OSBPL10: variants seen among roughly 807,000 people sequenced by gnomAD.
OSBPL10 encodes the protein oxysterol binding protein like 10, also known as oxysterol-binding protein-related protein 10.
In OSBPL10, 49 loss-of-function variants were observed where a neutral mutation model predicts 81.7. The ratio of observed to expected loss-of-function variants is 0.60; its 90% CI spans 0.48 to 0.76. The LOEUF is 0.76. Ranked by LOEUF, OSBPL10 falls within the 30% of genes least tolerant of loss-of-function variation. OSBPL10 has a pLI of 0.00. For missense variants in OSBPL10, 923 were observed against 987.8 expected, an observed-to-expected ratio of 0.93 and a Z score of 0.88; for synonymous variants, 419 against 383.6, an observed-to-expected ratio of 1.09 and a Z score of -1.08.
At chr3:31,965,167 T>G (rs546816586) in intron 1 of OSBPL10, among the ~76,000 whole-genome samples, 1 of 151,418 alleles carries the variant, frequency 6.6e-6, no homozygotes, top group Admixed American at 6.6e-5. Flanking sequence ...CAGGAGATTG[T>G]GACCATCCTG....
intron 4 of OSBPL10, among the ~76,000 whole-genome samples, chr3:31,820,568 C>T (rs1699958263): frequency 6.6e-6 from 1 of 151,606 alleles, no homozygotes; most frequent in South Asian, 2.1e-4. Context: ...GCACTCCAGC[C>T]TGGGAGGCAG....
intron 1 of OSBPL10, among the ~76,000 whole-genome samples, chr3:32,071,501 A>G (rs1013655585): frequency 4.0e-5 from 6 of 151,806 alleles, no homozygotes; most frequent in Non-Finnish European, 5.9e-5. Flanking sequence ...AGGGCTGTGC[A>G]GTCGGAATTC....
At chr3:31,998,532 ATTCT>A (rs1040625606) in intron 2 of OSBPL10, among the ~76,000 whole-genome samples, 2 of 152,234 alleles carry the variant, frequency 1.3e-5, no homozygotes, top group African/African-American at 4.8e-5. Context: ...GAGATATTTC[ATTCT>A]GTCACTAGCA....
At chr3:31,803,106 G>A (rs1699430837) in intron 4 of OSBPL10, among the ~76,000 whole-genome samples, 1 of 151,412 alleles carries the variant, frequency 6.6e-6, no homozygotes, top group African/African-American at 2.4e-5. Flanking sequence ...GAATCAATGA[G>A]AACAGTGTGT....
At chr3:31,733,490 T>A in intron 5 of OSBPL10, 79 bp from the exon 6 acceptor site, 1 of 1,563,866 alleles carries the variant, frequency 6.4e-7, no homozygotes, top group Non-Finnish European at 8.8e-7. Context: ...GTACTCACTG[T>A]ATGAAGAGAC....
At chr3:31,931,257 A>T (rs1411918141) in intron 1 of OSBPL10, among the ~76,000 whole-genome samples, 1 of 152,124 alleles carries the variant, frequency 6.6e-6, no homozygotes, top group Non-Finnish European at 1.5e-5. Context: ...AATTTTTAAA[A>T]AATCTTAGTA....
intron 4 of OSBPL10, 78 bp downstream of exon 4, chr3:31,829,962 G>A (rs1700195961): frequency 1.4e-6 from 2 of 1,392,992 alleles, no homozygotes; most frequent in African/African-American, 1.4e-5. Context: ...CGGCGCAAAG[G>A]AAGAGGAGTC....
chr3:32,057,791 A>G (rs199653785), intron 1 of OSBPL10, among the ~76,000 whole-genome samples: 1 of 152,142 alleles, frequency 6.6e-6, no homozygotes, highest in African/African-American at 2.4e-5. Flanking sequence ...GCTGCCTCAG[A>G]TTATCTAGAC....
At chr3:32,075,941 G>A (rs1389226115) in intron 1 of OSBPL10, among the ~76,000 whole-genome samples, 2 of 152,132 alleles carry the variant, frequency 1.3e-5, no homozygotes, top group African/African-American at 2.4e-5. Flanking sequence ...ACTGATCAAT[G>A]TACTTCGTAA....
intron 4 of OSBPL10, among the ~76,000 whole-genome samples, chr3:31,808,150 T>C (rs1699568509): frequency 6.6e-6 from 1 of 152,180 alleles, no homozygotes; most frequent in South Asian, 2.1e-4. Context: ...GCCACAATTC[T>C]GTACTCACCC....
At chr3:31,790,474 T>C (rs1698981960) in intron 4 of OSBPL10, among the ~76,000 whole-genome samples, 2 of 152,286 alleles carry the variant, frequency 1.3e-5, no homozygotes, top group Admixed American at 6.5e-5. Context: ...ATTTCACATA[T>C]ATAAAATTCT....
At chr3:31,897,299 CAG>C (rs1163148676) in intron 1 of OSBPL10, among the ~76,000 whole-genome samples, 1 of 152,088 alleles carries the variant, frequency 6.6e-6, no homozygotes, top group African/African-American at 2.4e-5. Context: ...GGTAGAAGAG[CAG>C]AGTGTGGTGG....
chr3:31,713,377 T>G (rs1696329125), intron 6 of OSBPL10, among the ~76,000 whole-genome samples: 1 of 152,044 alleles, frequency 6.6e-6, no homozygotes, highest in Non-Finnish European at 1.5e-5. Flanking sequence ...CACTCAGATC[T>G]TTTTTTAATT....
chr3:31,672,606 G>C (rs1379286390), intron 8 of OSBPL10, among the ~76,000 whole-genome samples: 1 of 152,156 alleles, frequency 6.6e-6, no homozygotes, highest in Admixed American at 6.5e-5. Context: ...TTACCGTGGA[G>C]AATTCCTCTA....
chr3:31,837,320 AT>A (rs1491274956), intron 3 of OSBPL10, among the ~76,000 whole-genome samples: 1 of 101,378 alleles, frequency 9.9e-6, no homozygotes, highest in Non-Finnish European at 1.9e-5. Flanking sequence ...AGATCCCCAA[AT>A]TATATATATA....
At chr3:31,728,144 T>C (rs1559436486) in intron 6 of OSBPL10, among the ~76,000 whole-genome samples, 1 of 152,270 alleles carries the variant, frequency 6.6e-6, no homozygotes, top group African/African-American at 2.4e-5. Context: ...ACTTATATGC[T>C]GATATAGTAC....
At chr3:31,793,064 A>G (rs1277349259) in intron 4 of OSBPL10, among the ~76,000 whole-genome samples, 2 of 152,146 alleles carry the variant, frequency 1.3e-5, no homozygotes, top group African/African-American at 4.8e-5. Context: ...AACAGAAAAA[A>G]TATCTATTAA....
intron 1 of OSBPL10, among the ~76,000 whole-genome samples, chr3:31,934,408 TTC>T (rs1491213609): frequency 9.6e-6 from 1 of 103,658 alleles, no homozygotes; most frequent in Non-Finnish European, 1.8e-5. Context: ...AGAAAATTCA[TTC>T]TTTTTTTTTT....
rs1347837928 is a variant in OSBPL10, at chr3:31,816,241, T to C, written c.729+13799A>G. ...GGCCTTGCCCTCTGGTGAATTCCTA[T>C]GACAACTGTAACACCATGTAACTTT... On this transcript the variant is annotated intron_variant, in intron 4 of 11. Transcript: ENST00000396556. Among the ~76,000 whole-genome samples the C allele has an allele frequency of 2.0e-5, 3 of 152,180 alleles. No homozygotes were observed. In the East Asian group the frequency reaches 5.8e-4, roughly 29 times the overall value.
Sources: gnomAD v4.1 joint callset for allele counts (sites outside exome capture counted in the v4.1 genomes callset) on GRCh38, gnomAD v4.1.1 for gene constraint, MANE v1.5 for transcripts, NCBI Gene and HGNC (gene_info 2026-07-23, HGNC 2026-07-21) for gene names.